ZNF385D: variants seen among roughly 807,000 people sequenced by gnomAD.
ZNF385D encodes zinc finger protein 385D.
In ZNF385D, 15 loss-of-function variants were observed where a neutral mutation model predicts 35.8. That is an observed-to-expected ratio of 0.42 (90% CI 0.28 to 0.64). The LOEUF (loss-of-function observed/expected upper bound fraction) is 0.64, where lower values mean the gene tolerates loss of function less well. ZNF385D is among the 30% of genes least tolerant of loss of function. ZNF385D has a pLI of 0.23. For synonymous variants in ZNF385D, 212 were observed against 186.8 expected, an observed-to-expected ratio of 1.13 and a Z score of -1.10; for missense variants, 474 against 494.6, an observed-to-expected ratio of 0.96 and a Z score of 0.39.
intron 3 of ZNF385D, among the ~76,000 whole-genome samples, chr3:22,046,409 T>C (rs774230762): frequency 6.6e-6 from 1 of 152,152 alleles, no homozygotes; most frequent in Non-Finnish European, 1.5e-5. Context: ...TATGTTTATA[T>C]AAAAAAGACA....
chr3:21,474,970 T>C (rs1215147772), intron 4 of ZNF385D, among the ~76,000 whole-genome samples: 4 of 152,052 alleles, frequency 2.6e-5, no homozygotes, highest in Non-Finnish European at 4.4e-5. Context: ...ATTAAGAATA[T>C]AATTTTTTTT....
intron 3 of ZNF385D, among the ~76,000 whole-genome samples, chr3:21,958,358 G>A (rs1702398130): frequency 6.6e-6 from 1 of 152,058 alleles, no homozygotes; most frequent in Non-Finnish European, 1.5e-5. Context: ...TCCAGTCACA[G>A]GAATTTGTGT....
rs529285777 is a variant in ZNF385D at position 21,803,094 on chromosome 3, G to A, written c.326-138066C>T. ...CTGCAAGTTATTGTTACCCCTCCCC[G>A]CCACCTGACACCCAGGGGTTTGGGA... On this transcript the variant is annotated intron_variant, in intron 3 of 5. Coordinates refer to the ZNF385D transcript ENST00000494108. Among the ~76,000 whole-genome samples, 10 of 152,164 alleles carry A rather than the reference G, an allele frequency of 6.6e-5. No homozygotes were observed. In the East Asian group the frequency reaches 9.7e-4, roughly 15 times the overall value.
At chr3:21,924,396 GA>G (rs1419118475) in intron 3 of ZNF385D, among the ~76,000 whole-genome samples, 1 of 152,132 alleles carries the variant, frequency 6.6e-6, no homozygotes, top group African/African-American at 2.4e-5. Context: ...GAGTGCAGAT[GA>G]AAAAAGCCCT....
intron 3 of ZNF385D, among the ~76,000 whole-genome samples, chr3:21,871,204 C>G (rs1051619499): frequency 6.6e-6 from 1 of 152,106 alleles, no homozygotes; most frequent in Non-Finnish European, 1.5e-5. Context: ...GCACACAGTG[C>G]TCCCTCTACC....
intron 4 of ZNF385D, among the ~76,000 whole-genome samples, chr3:21,491,558 T>A (rs1009601904): frequency 1.3e-5 from 2 of 152,158 alleles, no homozygotes; most frequent in Non-Finnish European, 2.9e-5. Context: ...CATACACAGA[T>A]AACTGGAACA....
At chr3:22,362,131 T>C (rs1396728115) in intron 2 of ZNF385D, among the ~76,000 whole-genome samples, 1 of 151,760 alleles carries the variant, frequency 6.6e-6, no homozygotes, top group Non-Finnish European at 1.5e-5. Flanking sequence ...TTTACTTTTG[T>C]TAAGGGCAAC....
At chr3:21,888,475 C>T (rs1400626727) in intron 3 of ZNF385D, among the ~76,000 whole-genome samples, 1 of 151,916 alleles carries the variant, frequency 6.6e-6, no homozygotes, top group African/African-American at 2.4e-5. Context: ...CTCGTGGTTC[C>T]TAGAGTTTCA....
intron 3 of ZNF385D, among the ~76,000 whole-genome samples, chr3:22,015,005 G>T (rs1158997010): frequency 6.6e-6 from 1 of 151,904 alleles, no homozygotes; most frequent in African/African-American, 2.4e-5. Context: ...TGTCTTTGTT[G>T]TTTGAATGTT....
intron 2 of ZNF385D, among the ~76,000 whole-genome samples, chr3:21,597,849 A>T (rs1404275199): frequency 6.6e-6 from 1 of 152,170 alleles, no homozygotes; most frequent in African/African-American, 2.4e-5. Flanking sequence ...GTGTGATCCA[A>T]CCTTCATCTG....
intron 3 of ZNF385D, among the ~76,000 whole-genome samples, chr3:21,969,296 C>A (rs1470995890): frequency 6.6e-6 from 1 of 151,954 alleles, no homozygotes; most frequent in Non-Finnish European, 1.5e-5. Flanking sequence ...AAGGGAAAGA[C>A]CAGGTGGAGG....
intron 1 of ZNF385D, among the ~76,000 whole-genome samples, chr3:21,691,083 G>A (rs1056842726): frequency 6.6e-6 from 1 of 151,818 alleles, no homozygotes; most frequent in African/African-American, 2.4e-5. Flanking sequence ...CTCTAGCCTG[G>A]ACCACATGGT....
At chr3:21,785,509 G>T (rs946934423) in intron 3 of ZNF385D, among the ~76,000 whole-genome samples, 1 of 152,128 alleles carries the variant, frequency 6.6e-6, no homozygotes, top group African/African-American at 2.4e-5. Flanking sequence ...TCGATGTCCA[G>T]AAACTTGAAT....
intron 2 of ZNF385D, among the ~76,000 whole-genome samples, chr3:22,192,552 T>C (rs938898571): frequency 6.6e-6 from 1 of 152,188 alleles, no homozygotes. Context: ...AGCTGCCATG[T>C]TGTGAAGACA....
At chr3:21,857,844 T>A (rs1339406238) in intron 3 of ZNF385D, among the ~76,000 whole-genome samples, 3 of 151,760 alleles carry the variant, frequency 2.0e-5, no homozygotes, top group Admixed American at 6.6e-5. Flanking sequence ...TGAAACGATC[T>A]GAGGGACAAC....
chr3:22,361,578 T>G (rs547541869), intron 2 of ZNF385D, among the ~76,000 whole-genome samples: 164 of 152,188 alleles, frequency 1.1e-3, no homozygotes, highest in African/African-American at 3.5e-3. Flanking sequence ...CCCTTAATAC[T>G]GTCATTTATT....
intron 3 of ZNF385D, among the ~76,000 whole-genome samples, chr3:21,930,511 G>A (rs1172431075): frequency 1.3e-5 from 2 of 151,988 alleles, no homozygotes; most frequent in Non-Finnish European, 2.9e-5. Flanking sequence ...ATATAGAAAT[G>A]CAAATGACTC....
intron 3 of ZNF385D, among the ~76,000 whole-genome samples, chr3:22,098,664 T>C (rs961978894): frequency 6.6e-6 from 1 of 152,042 alleles, no homozygotes; most frequent in Middle Eastern, 3.2e-3. Context: ...GCAAATGACA[T>C]GAACAATTTA....
chr3:21,453,826 G>C (rs1015364190), intron 4 of ZNF385D, among the ~76,000 whole-genome samples: 4 of 151,888 alleles, frequency 2.6e-5, no homozygotes, highest in African/African-American at 9.7e-5. Context: ...TAAATACAAA[G>C]TTACTATATG....
Sources: gnomAD v4.1 joint callset for allele counts (sites outside exome capture counted in the v4.1 genomes callset) on GRCh38, gnomAD v4.1.1 for gene constraint, MANE v1.5 for transcripts, NCBI Gene and HGNC (gene_info 2026-07-23, HGNC 2026-07-21) for gene names.